The following NLGN1 variants were observed in gnomAD, a reference collection of about 807,000 sequenced individuals.
NLGN1 encodes the protein neuroligin-1.
In NLGN1, 12 loss-of-function variants were observed where a neutral mutation model predicts 65.5. The observed-to-expected ratio is 0.18, with a 90% CI of 0.12 to 0.30. The LOEUF (loss-of-function observed/expected upper bound fraction) is 0.30. Among genes scored for constraint, NLGN1 ranks in the 10% least tolerant of loss-of-function variants. The pLI, the probability that NLGN1 is intolerant of heterozygous loss-of-function variation, is 1.00. For synonymous variants in NLGN1, 350 were observed against 359.5 expected (o/e 0.97, Z 0.30); for missense variants, 750 against 1,007.1 (o/e 0.74, Z 3.46).
intron 3 of NLGN1, among the ~76,000 whole-genome samples, chr3:173,653,122 A>G (rs1017587576): frequency 6.6e-6 from 1 of 152,126 alleles, no homozygotes; most frequent in Non-Finnish European, 1.5e-5. Context: ...TTATTTATCA[A>G]ATCTAAGAGG....
At position 173,462,929 on chromosome 3, in the gene NLGN1, G is replaced by A. The variant is rs181886656; in HGVS notation, c.-321+27851G>A. 1.6e-4 allele frequency among the ~76,000 whole-genome samples: 25 copies of A among 152,222 alleles called. No homozygotes were observed. In the East Asian group the frequency reaches 4.1e-3, roughly 25 times the overall value. ...TTCTAGTTCTTCTCTTCAAAATTCA[G>A]TCTGTGTTTTCTTAGCTTCCTTCAG... is the stretch of plus-strand genomic sequence containing the variant. On this transcript the variant is annotated intron_variant, in intron 2 of 6. Coordinates refer to ENST00000457714, the Ensembl canonical transcript of NLGN1.
intron 2 of NLGN1, among the ~76,000 whole-genome samples, chr3:173,462,310 G>A (rs1265775167): frequency 6.6e-6 from 1 of 152,082 alleles, no homozygotes; most frequent in South Asian, 2.1e-4. Flanking sequence ...TTGAAAATAA[G>A]CAAGGTACCA....
intron 2 of NLGN1, among the ~76,000 whole-genome samples, chr3:173,445,654 A>G (rs1458644007): frequency 6.6e-6 from 1 of 152,214 alleles, no homozygotes; most frequent in Non-Finnish European, 1.5e-5. Flanking sequence ...CTTCCACATT[A>G]AATGGCTTCA....
intron 4 of NLGN1, among the ~76,000 whole-genome samples, chr3:174,065,502 A>G (rs1316289354): frequency 6.6e-6 from 1 of 152,178 alleles, no homozygotes; most frequent in East Asian, 1.9e-4. Context: ...AGAATAATTC[A>G]AGCGTGATTT....
chr3:174,070,487 G>A (rs187592738), intron 4 of NLGN1, among the ~76,000 whole-genome samples: 66 of 151,742 alleles, frequency 4.3e-4, no homozygotes, highest in African/African-American at 8.9e-4. Context: ...GCCAGCCACC[G>A]CGCCTGACTA....
In NLGN1 at chr3:173,685,591, A is replaced by G. The variant is rs75714366; in HGVS notation, c.493+80500A>G. On this transcript the variant is annotated intron_variant, in intron 3 of 6. Coordinates refer to ENST00000457714, the Ensembl canonical transcript of NLGN1. ...CAAATCCCAGGAAAAGAGGTTATTA[A>G]AGTTCAGTTATCAGAGATAGGCTGG... 3.1e-6 allele frequency: 3 copies of G among 955,074 alleles called. No individual in the cohort carries two copies. The African/African-American group carries it at 5.3e-5, about 17-fold the overall frequency. 59.2% of individuals were successfully genotyped at this position (955,074 alleles called of 1,614,324 possible). A position where few individuals can be genotyped will look rare whatever the true frequency, so the allele number is the denominator to read the frequency against.
intron 3 of NLGN1, among the ~76,000 whole-genome samples, chr3:173,721,548 A>G (rs1393826810): frequency 6.6e-6 from 1 of 152,224 alleles, no homozygotes; most frequent in Non-Finnish European, 1.5e-5. Flanking sequence ...ACTAATTATA[A>G]TAATGTCTTC....
chr3:173,609,294 A>G (rs927333564), intron 3 of NLGN1, among the ~76,000 whole-genome samples: 1 of 151,914 alleles, frequency 6.6e-6, no homozygotes, highest in Admixed American at 6.6e-5. Flanking sequence ...TTGCTTTTCT[A>G]TTTACCCCAA....
chr3:173,449,198 T>G (rs994897923), intron 2 of NLGN1, among the ~76,000 whole-genome samples: 4 of 152,134 alleles, frequency 2.6e-5, no homozygotes, highest in African/African-American at 9.7e-5. Flanking sequence ...TTGTGGGCAT[T>G]TAGTGCTATA....
chr3:173,519,151 A>G (rs760170682), intron 2 of NLGN1, among the ~76,000 whole-genome samples: 1 of 152,214 alleles, frequency 6.6e-6, no homozygotes, highest in Admixed American at 6.5e-5. Flanking sequence ...GCAGAGTCCA[A>G]TAGTTGAGTC....
At chr3:173,401,948 A>G (rs1273923384) in intron 1 of NLGN1, among the ~76,000 whole-genome samples, 1 of 152,196 alleles carries the variant, frequency 6.6e-6, no homozygotes, top group Non-Finnish European at 1.5e-5. Context: ...GGAAACATAT[A>G]GCGCTTCATA....
chr3:174,052,644 T>C (rs1389639453), intron 4 of NLGN1, among the ~76,000 whole-genome samples: 3 of 152,000 alleles, frequency 2.0e-5, no homozygotes, highest in Admixed American at 1.3e-4. Flanking sequence ...GAGGCTAATA[T>C]TTTACTATAT....
At chr3:174,146,088 ACT>A (rs1334074905) in intron 4 of NLGN1, among the ~76,000 whole-genome samples, 1 of 139,278 alleles carries the variant, frequency 7.2e-6, no homozygotes, top group East Asian at 2.4e-4. Context: ...AATCTATTCT[ACT>A]CTTTTCCTTC....
At chr3:173,789,729 G>C (rs907807548) in intron 3 of NLGN1, 1 of 422,846 alleles carries the variant, frequency 2.4e-6, no homozygotes, top group Non-Finnish European at 4.8e-6. Flanking sequence ...CTGACTCACA[G>C]CTTCACAATC....
intron 4 of NLGN1, among the ~76,000 whole-genome samples, chr3:174,234,613 A>T (rs1741319272): frequency 1.3e-5 from 2 of 152,084 alleles, no homozygotes; most frequent in African/African-American, 4.8e-5. Flanking sequence ...ATCTATTGGG[A>T]GACTGCCTTT....
intron 4 of NLGN1, among the ~76,000 whole-genome samples, chr3:174,080,922 G>GGTGT (rs571057944): frequency 0.11 from 15,785 of 141,138 alleles, 901 homozygotes; most frequent in East Asian, 0.15. Context: ...TGACATTCCT[G>GGTGT]GTGTGTGTGT....
At chr3:174,147,233 G>A (rs928125683) in intron 4 of NLGN1, among the ~76,000 whole-genome samples, 10 of 152,034 alleles carry the variant, frequency 6.6e-5, no homozygotes, top group African/African-American at 2.4e-4. Context: ...GGTAGCGTCT[G>A]TAAAAGTTCC....
chr3:173,478,915 AAAAG>A (rs148054717), intron 2 of NLGN1, among the ~76,000 whole-genome samples: 8,603 of 152,056 alleles, frequency 0.057, 296 homozygotes, highest in South Asian at 0.13. Context: ...AAGAAAAAGA[AAAAG>A]AAAGAAAATT....
intron 2 of NLGN1, among the ~76,000 whole-genome samples, chr3:173,437,230 T>C (rs1390209171): frequency 2.0e-5 from 3 of 152,152 alleles, no homozygotes; most frequent in Non-Finnish European, 2.9e-5. Flanking sequence ...TATCCCCTGG[T>C]TTCTTAATTA....
Sources: allele counts gnomAD v4.1 joint callset (sites outside exome capture counted in the v4.1 genomes callset), GRCh38; gene constraint gnomAD v4.1.1; transcripts MANE v1.5; gene names NCBI Gene and HGNC (gene_info 2026-07-23, HGNC 2026-07-21).